The following DIPK2B variants were observed in gnomAD, a reference collection of about 807,000 sequenced individuals.
DIPK2B encodes the protein UPF0672 protein CXorf36.
Under a neutral mutation model 22.2 loss-of-function variants are expected in DIPK2B, and 15 were observed. That is an observed-to-expected ratio of 0.68 (90% CI 0.45 to 1.04). The LOEUF is 1.04. DIPK2B is among the 50% of genes least tolerant of loss of function. The probability of loss-of-function intolerance (pLI) is 0.00; values close to 1 mark genes in which losing one functional copy is unlikely to be tolerated. For synonymous variants in DIPK2B, 163 were observed against 153.2 expected (o/e 1.06, Z -0.47); for missense variants, 345 against 348.3 (o/e 0.99, Z 0.08).
intron 2 of DIPK2B, among the ~76,000 whole-genome samples, chrX:45,174,488 T>A (rs922288937): frequency 2.7e-5 from 3 of 110,513 alleles, no homozygotes; most frequent in Non-Finnish European, 5.7e-5. Context: ...GTAAACAAGG[T>A]GCTATGGGAA....
At chrX:45,187,116 T>C (rs1049005294) in intron 2 of DIPK2B, among the ~76,000 whole-genome samples, 2 of 112,166 alleles carry the variant, frequency 1.8e-5, no homozygotes, top group Admixed American at 9.5e-5. Flanking sequence ...TGCGGCCATC[T>C]AGTGTATTCC....
intron 1 of DIPK2B, 98 bp downstream of exon 1, chrX:45,200,496 C>T: frequency 2.6e-6 from 2 of 777,429 alleles, no homozygotes; most frequent in Non-Finnish European, 3.8e-6. Flanking sequence ...AGCTCCCACC[C>T]ATATTACATC....
chrX:45,183,268 T>A (rs1469486601), intron 2 of DIPK2B: 1 of 111,489 alleles, frequency 9.0e-6, no homozygotes, highest in Non-Finnish European at 1.9e-5. Context: ...GGGACTTTGA[T>A]GGGAAAAAGG....
intron 1 of DIPK2B, among the ~76,000 whole-genome samples, chrX:45,197,093 G>A: frequency 9.0e-6 from 1 of 111,679 alleles, no homozygotes. Context: ...TGCAAGCATT[G>A]TCCAGTCCTT....
intron 2 of DIPK2B, among the ~76,000 whole-genome samples, chrX:45,175,971 G>A (rs1246888627): frequency 1.8e-5 from 2 of 108,210 alleles, no homozygotes; most frequent in African/African-American, 6.8e-5. Context: ...ACAATGAATG[G>A]GGTGATTCTG....
At chrX:45,161,033 G>A (rs1244438693) in intron 2 of DIPK2B, among the ~76,000 whole-genome samples, 1 of 111,588 alleles carries the variant, frequency 9.0e-6, no homozygotes, top group Non-Finnish European at 1.9e-5. Flanking sequence ...AAATTTCTGG[G>A]AAGAGTCCTT....
At chrX:45,198,785 C>T (rs949734561) in intron 1 of DIPK2B, among the ~76,000 whole-genome samples, 1 of 111,662 alleles carries the variant, frequency 9.0e-6, no homozygotes, top group Non-Finnish European at 1.9e-5. Flanking sequence ...TCCTCTTTAT[C>T]TCTTTTCCTA....
Position 45,166,672 on chromosome X carries a change from A to C in DIPK2B, c.499-8784T>G, listed in dbSNP as rs72628905. 2.7e-5 allele frequency among the ~76,000 whole-genome samples: 3 copies of C among 112,202 alleles called. No homozygotes were observed. In the East Asian group the frequency reaches 8.4e-4, roughly 31 times the overall value. On this transcript the variant is annotated intron_variant, in intron 2 of 4. Coordinates refer to ENST00000398000, the MANE Select transcript of DIPK2B (RefSeq NM_176819.4). ...GTTTCCAAAAGCAAATGTTTCTCAA[A>C]AGACAAAGATTTGCCACTACTGAAC...
intron 2 of DIPK2B, among the ~76,000 whole-genome samples, chrX:45,174,530 T>A (rs750986001): frequency 9.1e-6 from 1 of 110,098 alleles, no homozygotes; most frequent in African/African-American, 3.3e-5. Flanking sequence ...GAAATCCAGG[T>A]AGGCTTCACA....
rs770760494 is a variant in DIPK2B at position 45,194,979 on chromosome X, G to A, written c.234-2964C>T. 2.7e-5 allele frequency among the ~76,000 whole-genome samples: 3 copies of A among 112,301 alleles called. No homozygotes were observed. The East Asian group carries it at 8.5e-4, about 32-fold the overall frequency. On this transcript the variant is annotated intron_variant, in intron 1 of 4. Coordinates refer to ENST00000398000, the MANE Select transcript of DIPK2B (RefSeq NM_176819.4). ...ACAGCACTGCCTTGGCAGATGACTT[G>A]TAATGAGTGCCTGGGCAGGTTCAGT...
rs758407913 is a variant in DIPK2B, at chrX:45,151,004, G to C, written c.*648C>G. ...TACCCCTGGCTTCTTCCCACACCAC[G>C]AGAAGCCCCATGCGCAGGTGTATGG... On this transcript the variant is annotated 3_prime_UTR_variant, in exon 5 of 5. Transcript: ENST00000398000. 1 of 110,678 alleles carries C rather than the reference G, an allele frequency of 9.0e-6. No homozygotes were observed. Among genetic ancestry groups the C allele is most frequent in the South Asian group, 4.0e-4 (1 of 2,521 alleles). The allele number at this position is 110,678 out of a possible 1,213,427, so 9.1% of individuals were successfully genotyped here. A position where few individuals can be genotyped will look rare whatever the true frequency, so the allele number is the denominator to read the frequency against.
intron 3 of DIPK2B, among the ~76,000 whole-genome samples, chrX:45,156,341 G>A (rs1239684530): frequency 9.0e-6 from 1 of 111,154 alleles, no homozygotes; most frequent in Non-Finnish European, 1.9e-5. Flanking sequence ...CTACAGGTGC[G>A]GCCACACAGC....
At chrX:45,166,020 A>C (rs1014283515) in intron 2 of DIPK2B, among the ~76,000 whole-genome samples, 5 of 112,163 alleles carry the variant, frequency 4.5e-5, no homozygotes, top group Admixed American at 9.4e-5. Context: ...GGGCAAGGCC[A>C]TCTTTGATGG....
intron 2 of DIPK2B, among the ~76,000 whole-genome samples, chrX:45,187,883 A>G (rs1051058902): frequency 2.7e-5 from 3 of 110,392 alleles, no homozygotes; most frequent in African/African-American, 9.9e-5. Context: ...CCCTAAACAC[A>G]CAGCAACACA....
At chrX:45,195,467 C>T (rs998341248) in intron 1 of DIPK2B, among the ~76,000 whole-genome samples, 22 of 112,008 alleles carry the variant, frequency 2.0e-4, no homozygotes, top group African/African-American at 7.1e-4. Flanking sequence ...CTCGTGCATT[C>T]TTCTCATGCT....
intron 2 of DIPK2B, among the ~76,000 whole-genome samples, chrX:45,190,584 G>C (rs1040976573): frequency 8.9e-6 from 1 of 112,005 alleles, no homozygotes; most frequent in African/African-American, 3.3e-5. Flanking sequence ...GAATACCCAG[G>C]ATGTTGCAGC....
chrX:45,172,532 C>T (rs188196693), intron 2 of DIPK2B, among the ~76,000 whole-genome samples: 14 of 111,377 alleles, frequency 1.3e-4, no homozygotes, highest in African/African-American at 4.6e-4. Context: ...CTTTCCCTTC[C>T]TATTAAAGAC....
At chrX:45,173,471 A>G (rs2047096007) in intron 2 of DIPK2B, among the ~76,000 whole-genome samples, 1 of 110,375 alleles carries the variant, frequency 9.1e-6, no homozygotes, top group East Asian at 2.9e-4. Context: ...CTCCTGGTAC[A>G]CTGAACATCC....
chrX:45,180,578 G>A (rs2047144714), intron 2 of DIPK2B, among the ~76,000 whole-genome samples: 3 of 111,426 alleles, frequency 2.7e-5, no homozygotes, highest in Admixed American at 9.5e-5. Flanking sequence ...ATGATATAAT[G>A]GTATACATGG....
Sources: allele counts gnomAD v4.1 joint callset (sites outside exome capture counted in the v4.1 genomes callset), GRCh38; gene constraint gnomAD v4.1.1; transcripts MANE v1.5; gene names NCBI Gene and HGNC (gene_info 2026-07-23, HGNC 2026-07-21).